Variants in CACNA1A observed in about 807,000 individuals in gnomAD.
The protein encoded by CACNA1A is calcium voltage-gated channel subunit alpha1 A.
Under a neutral mutation model 262.4 loss-of-function variants are expected in CACNA1A, and 57 were observed. The ratio of observed to expected loss-of-function variants is 0.22; its 90% CI spans 0.18 to 0.27. CACNA1A has a LOEUF of 0.27. Among genes scored for constraint, CACNA1A ranks in the 10% least tolerant of loss-of-function variants. CACNA1A has a pLI of 1.00. For missense variants in CACNA1A, 2,526 were observed against 3,562.8 expected (o/e 0.71, Z 7.41); for synonymous variants, 1,431 against 1,419.3 (o/e 1.01, Z -0.18).
chr19:13,235,253 G>A lies in CACNA1A; in HGVS notation c.5089C>T (p.Leu1697=). 1 of 1,598,918 alleles carries A rather than the reference G, an allele frequency of 6.3e-7. No homozygotes were observed. The highest frequency in any genetic ancestry group is 8.5e-7 in the Non-Finnish European group (1 of 1,172,802). ...SFKALPYVCL[L]IAMLFFIYAI... ...TAGATGAAGAAGAGCATGGCGATCA[G>A]CAGACAGACATAAGGCAGGGCCTGG... The change falls in exon 33 of 47, where the codon CTG becomes TTG. Residue 1697 remains leucine, a synonymous_variant. Coordinates refer to ENST00000360228, the MANE Select transcript of CACNA1A (RefSeq NM_001127222.2).
chr19:13,504,106 G>A (rs556013268), intron 1 of CACNA1A, among the ~76,000 whole-genome samples: 4 of 152,202 alleles, frequency 2.6e-5, no homozygotes, highest in South Asian at 4.2e-4. Context: ...CCTGTCAGCC[G>A]AGCAAAGCCC....
chr19:13,481,639 C>T (rs899783876), intron 1 of CACNA1A, among the ~76,000 whole-genome samples: 6 of 152,054 alleles, frequency 3.9e-5, no homozygotes, highest in Admixed American at 1.3e-4. Flanking sequence ...TGGAGTCAGG[C>T]GGGCTCACAC....
intron 23 of CACNA1A, among the ~76,000 whole-genome samples, chr19:13,276,571 A>C (rs1600226007): frequency 2.0e-5 from 3 of 149,096 alleles, no homozygotes; most frequent in African/African-American, 2.5e-5. Context: ...CTGTTCTCTC[A>C]CTCCGCCCAG....
Position 13,283,280 on chromosome 19 carries a change from G to A in CACNA1A, c.3809C>T (p.Ala1270Val). 1 of 1,614,004 alleles carries A rather than the reference G, an allele frequency of 6.2e-7. No homozygotes were observed. Among genetic ancestry groups the A allele is most frequent in the Non-Finnish European group, 8.5e-7 (1 of 1,179,874 alleles). ...TGTGGGACTCACGTTGTTCCGAGGTGCGTTGGGCTGCACAGGGTCCTCGGC... is the reference window on the plus strand; with the variant it reads ...TGTGGGACTCACGTTGTTCCGAGGTACGTTGGGCTGCACAGGGTCCTCGGC... ...LAAEDPVQPN[A>V]PRNNVLRYFD... Residue 1270 changes from alanine to valine, a missense_variant, in exon 22 of 47, where the codon GCA becomes GTA. Physicochemically the swap from Ala to Val is moderately conservative, Grantham distance 64. This residue lies in a region of CACNA1A where 137 missense variants were observed against 377.7 expected (regional missense o/e 0.36). Transcript: ENST00000360228.
At chr19:13,387,411 C>A (rs1568597101) in intron 3 of CACNA1A, among the ~76,000 whole-genome samples, 1 of 152,144 alleles carries the variant, frequency 6.6e-6, no homozygotes, top group Non-Finnish European at 1.5e-5. Flanking sequence ...TTGTTCTATT[C>A]TCCCTTTCAT....
At chr19:13,211,050 G>C (rs1356896456) in intron 43 of CACNA1A, 1 of 233,100 alleles carries the variant, frequency 4.3e-6, no homozygotes, top group East Asian at 1.0e-4. Flanking sequence ...GTGGCCGTCA[G>C]CTGGGCTTGT....
In CACNA1A at chr19:13,214,484, C is replaced by G. The variant is rs1468974176; in HGVS notation, c.5839+17G>C. On this transcript the variant is annotated intron_variant, in intron 39 of 46. Coordinates refer to ENST00000360228, the MANE Select transcript of CACNA1A (RefSeq NM_001127222.2). This position sits in a 1 kb window ranked among gnomAD's most constrained non-coding sequence, Gnocchi z 4.1. ...TGTCCTGGTGGATTGGATCCCAGGG[C>G]TGGGCTCAGCTCTTACACTTGTGAG... The G allele has an allele frequency of 6.2e-7, 1 of 1,603,028 alleles. No homozygotes were observed. Among genetic ancestry groups the G allele is most frequent in the East Asian group, 2.2e-5 (1 of 44,802 alleles).
intron 6 of CACNA1A, among the ~76,000 whole-genome samples, chr19:13,352,970 G>A (rs919754813): frequency 1.9e-4 from 29 of 151,784 alleles, no homozygotes; most frequent in Non-Finnish European, 2.5e-4. Context: ...ATGAGGTTTC[G>A]CCATGTTGGC....
chr19:13,485,448 C>T (rs571898283), intron 1 of CACNA1A, among the ~76,000 whole-genome samples: 2 of 151,776 alleles, frequency 1.3e-5, no homozygotes, highest in Non-Finnish European at 2.9e-5. Flanking sequence ...AAAAGCCAAG[C>T]CAAGAGAAAA....
Position 13,236,965 on chromosome 19 carries a change from C to T in CACNA1A, c.4951-1235G>A, listed in dbSNP as rs957356507. 6.6e-6 allele frequency among the ~76,000 whole-genome samples: 1 copy of T among 151,964 alleles called. No homozygotes were observed. The highest frequency in any genetic ancestry group is 6.6e-5 in the Admixed American group (1 of 15,252). ...AGCTAATAAAACTGTTTTGTTGGGC[C>T]CGAGCAGTGTTTTTTCATTTGTCCT... On this transcript the variant is annotated intron_variant, in intron 31 of 46. Transcript: ENST00000360228. This position sits in a 1 kb window ranked among gnomAD's most constrained non-coding sequence, Gnocchi z 4.6.
chr19:13,217,840 G>A (rs1440140336), intron 38 of CACNA1A, among the ~76,000 whole-genome samples: 1 of 152,004 alleles, frequency 6.6e-6, no homozygotes, highest in Non-Finnish European at 1.5e-5. Flanking sequence ...CTTGCTCCTG[G>A]GAGGTGATCT....
Position 13,341,785 on chromosome 19 carries a change from C to T in CACNA1A, c.979-5876G>A, listed in dbSNP as rs73922376. On this transcript the variant is annotated intron_variant, in intron 6 of 46. Coordinates refer to ENST00000360228, the MANE Select transcript of CACNA1A (RefSeq NM_001127222.2). ...TTCTTTTTTCCCATTTGCATTTCAC[C>T]GCCTATATACTTTACTTATTTCTCT... Among the ~76,000 whole-genome samples the T allele has an allele frequency of 6.2e-3, 939 of 152,284 alleles. 7 individuals carry two copies. Among genetic ancestry groups the T allele is most frequent in the African/African-American group, 0.021 (881 of 41,560 alleles).
chr19:13,502,217 CAA>C (rs1362308692), intron 1 of CACNA1A, among the ~76,000 whole-genome samples: 1 of 149,962 alleles, frequency 6.7e-6, no homozygotes, highest in Non-Finnish European at 1.5e-5. Context: ...CCACAGATGT[CAA>C]AGTGATGTCA....
chr19:13,368,618 T>C (rs930836852), intron 4 of CACNA1A, among the ~76,000 whole-genome samples: 2 of 152,232 alleles, frequency 1.3e-5, no homozygotes, highest in Admixed American at 6.5e-5. Flanking sequence ...TTCAAACATA[T>C]AGCCTGAGGC....
chr19:13,297,859 C>T (rs1011001312), intron 19 of CACNA1A, among the ~76,000 whole-genome samples: 3 of 151,520 alleles, frequency 2.0e-5, no homozygotes, highest in Admixed American at 6.6e-5. Flanking sequence ...CAGAGTCTTG[C>T]TCTGTTGCCC....
chr19:13,476,395 C>T (rs1978542814), intron 1 of CACNA1A, among the ~76,000 whole-genome samples: 1 of 152,172 alleles, frequency 6.6e-6, no homozygotes, highest in African/African-American at 2.4e-5. Context: ...CCATCATTGC[C>T]AACTCATCAT....
chr19:13,231,615 C>T, intron 35 of CACNA1A, 95 bp downstream of exon 35: 1 of 1,309,584 alleles, frequency 7.6e-7, no homozygotes. Context: ...AGGGAACAAG[C>T]CTTCGACACA....
intron 22 of CACNA1A, among the ~76,000 whole-genome samples, chr19:13,281,012 T>C (rs2057276865): frequency 1.3e-5 from 2 of 150,932 alleles, no homozygotes; most frequent in Admixed American, 6.6e-5. Context: ...ATGCGAAGCA[T>C]AGAAGTGTCT....
rs188956623 is a variant in CACNA1A at position 13,409,008 on chromosome 19, G to A, written c.540-37229C>T. Among the ~76,000 whole-genome samples, 6 of 152,296 alleles carry A rather than the reference G, an allele frequency of 3.9e-5. No individual in the cohort carries two copies. In the East Asian group the frequency reaches 1.2e-3, roughly 29 times the overall value. Reference sequence around the variant, plus strand: ...ACTTCATGCTGACTGTTTCGGCTTCGTGACATAGCCTGGCTCGTGGGGGCC... The same window carrying A: ...ACTTCATGCTGACTGTTTCGGCTTCATGACATAGCCTGGCTCGTGGGGGCC... On this transcript the variant is annotated intron_variant, in intron 3 of 46. Transcript: ENST00000360228.
Sources: allele counts gnomAD v4.1 joint callset (sites outside exome capture counted in the v4.1 genomes callset), GRCh38; gene constraint gnomAD v4.1.1; regional missense constraint gnomAD v4.1.1; non-coding constraint Gnocchi (gnomAD v3.1); transcripts MANE v1.5; gene names NCBI Gene and HGNC (gene_info 2026-07-23, HGNC 2026-07-21).